Variants in CDH18 observed in about 807,000 individuals in gnomAD.
The protein encoded by CDH18 is cadherin 18.
CDH18 carries 31 observed loss-of-function variants against 67.9 expected under a neutral mutation model. The observed-to-expected ratio is 0.46, with a 90% CI of 0.34 to 0.62. The LOEUF (loss-of-function observed/expected upper bound fraction) is 0.62, where lower values mean the gene tolerates loss of function less well. Ranked by LOEUF, CDH18 falls within the 20% of genes least tolerant of loss-of-function variation. The pLI, the probability that CDH18 is intolerant of heterozygous loss-of-function variation, is 0.01. For synonymous variants in CDH18, 362 were observed against 347.2 expected, an observed-to-expected ratio of 1.04 and a Z score of -0.48; for missense variants, 890 against 975.5, an observed-to-expected ratio of 0.91 and a Z score of 1.17.
At chr5:19,990,309 G>A (rs979910177), upstream of CDH18, among the ~76,000 whole-genome samples, 1 of 152,180 alleles carries the variant, frequency 6.6e-6, no homozygotes. Flanking sequence ...GAAATAAAAT[G>A]TTTGTTTGCC....
intron 1 of CDH18, among the ~76,000 whole-genome samples, chr5:20,460,066 C>A (rs1196507719): frequency 6.6e-6 from 1 of 152,044 alleles, no homozygotes; most frequent in African/African-American, 2.4e-5. Flanking sequence ...TAGAATATTA[C>A]TATTGAAAGA....
intron 1 of CDH18, among the ~76,000 whole-genome samples, chr5:20,487,584 G>A (rs772198585): frequency 2.7e-5 from 4 of 150,772 alleles, no homozygotes; most frequent in Non-Finnish European, 5.9e-5. Context: ...TTCCACATTT[G>A]GGGGTTTGCT....
chr5:19,719,208 G>A (rs1357004), intron 5 of CDH18, among the ~76,000 whole-genome samples: 147,094 of 152,096 alleles, frequency 0.97, 71,313 homozygotes, highest in Middle Eastern at 1. Context: ...ATATCACAGC[G>A]ATATTCTATT....
Position 19,721,426 on chromosome 5 carries a change from G to T in CDH18, c.564C>A (p.Asp188Glu). 1 of 1,612,386 alleles carries T rather than the reference G, an allele frequency of 6.2e-7. No individual in the cohort carries two copies. The highest frequency in any genetic ancestry group is 8.5e-7 in the Non-Finnish European group (1 of 1,178,688). ...VLQVTATDAD[D>E]PTYGNSARVV... ...CCCGAGCGCTGTTTCCATAGGTAGG[G>T]TCATCTGCATCAGTAGCTGTCACCT... The change falls in exon 5 of 13, where the codon GAC becomes GAA. Residue 188 changes from aspartate (D) to glutamate (E), a missense_variant. This residue lies in a region of CDH18 where 234 missense variants were observed against 307.4 expected (regional missense o/e 0.76). Coordinates refer to ENST00000382275, the MANE Select transcript of CDH18 (RefSeq NM_004934.5).
chr5:19,996,375 A>T (rs1736021499), intron 2 of CDH18, among the ~76,000 whole-genome samples: 1 of 152,062 alleles, frequency 6.6e-6, no homozygotes, highest in Non-Finnish European at 1.5e-5. Context: ...CTGAATATTA[A>T]TGTCGTTCCC....
intron 5 of CDH18, among the ~76,000 whole-genome samples, chr5:19,688,735 A>T (rs777468961): frequency 1.3e-5 from 2 of 152,102 alleles, no homozygotes. Context: ...CAAAATAATG[A>T]TATTAAAGAA....
intron 9 of CDH18, among the ~76,000 whole-genome samples, chr5:19,533,258 A>G (rs1748923075): frequency 6.6e-6 from 1 of 152,212 alleles, no homozygotes; most frequent in South Asian, 2.1e-4. Flanking sequence ...CTTTTTCTTG[A>G]AAGAGTTGTT....
intron 1 of CDH18, among the ~76,000 whole-genome samples, chr5:20,377,458 T>C (rs1743555271): frequency 6.6e-6 from 1 of 152,214 alleles, no homozygotes; most frequent in African/African-American, 2.4e-5. Flanking sequence ...CCTTATACAC[T>C]AGTTAATTGT....
intron 1 of CDH18, among the ~76,000 whole-genome samples, chr5:20,368,852 C>A (rs1742735796): frequency 6.6e-6 from 1 of 152,088 alleles, no homozygotes. Context: ...TTGCTCAGCT[C>A]CCCACTCAAG....
chr5:20,366,027 TA>T lies in CDH18; in HGVS notation c.-579-110523del, dbSNP rs1156799040. Reference sequence around the variant, plus strand: ...TTTTTTATAATTTATTATATGCCCATAAAATACTTCCCTGGAGTACCCAACT... The same window carrying T: ...TTTTTTATAATTTATTATATGCCCATAAATACTTCCCTGGAGTACCCAACT... On this transcript the variant is annotated intron_variant, in intron 1 of 14. Transcript: ENST00000507958. Among the ~76,000 whole-genome samples the T allele has an allele frequency of 2.6e-5, 4 of 152,266 alleles. No homozygotes were observed. The East Asian group carries it at 7.7e-4, about 29-fold the overall frequency.
intron 7 of CDH18, among the ~76,000 whole-genome samples, chr5:19,575,592 G>C (rs1283751440): frequency 6.6e-6 from 1 of 152,170 alleles, no homozygotes; most frequent in Non-Finnish European, 1.5e-5. Context: ...ATGGTGCTTA[G>C]AATTGTCCTG....
intron 1 of CDH18, among the ~76,000 whole-genome samples, chr5:20,480,418 TG>T (rs1752712664): frequency 6.6e-6 from 1 of 152,084 alleles, no homozygotes; most frequent in Admixed American, 6.5e-5. Context: ...AGAGTCTTTT[TG>T]TTTTTGTTTT....
chr5:20,338,917 A>G (rs889523374), intron 1 of CDH18, among the ~76,000 whole-genome samples: 3 of 152,180 alleles, frequency 2.0e-5, no homozygotes, highest in Admixed American at 2.0e-4. Flanking sequence ...GCCCAGGTAC[A>G]CTTAAAACAA....
At chr5:20,431,487 CA>C (rs560015111) in intron 1 of CDH18, among the ~76,000 whole-genome samples, 2,942 of 66,242 alleles carry the variant, frequency 0.044, 57 homozygotes, top group African/African-American at 0.12. Flanking sequence ...GAGTGAAACT[CA>C]AAAAAAAAAA....
In CDH18 at chr5:20,322,712, T is replaced by A. The variant is rs1738156589; in HGVS notation, c.-579-67207A>T. 2.0e-5 allele frequency among the ~76,000 whole-genome samples: 3 copies of A among 152,222 alleles called. No individual in the cohort carries two copies. In the South Asian group the frequency reaches 6.2e-4, roughly 32 times the overall value. On this transcript the variant is annotated intron_variant, in intron 1 of 14. Coordinates refer to the CDH18 transcript ENST00000507958. ...TAAACTGAAGCTGCAAGAAAAAAAATATAATTCTTCAAAGAAGACAATGAA... is the reference window on the plus strand; with the variant it reads ...TAAACTGAAGCTGCAAGAAAAAAAAAATAATTCTTCAAAGAAGACAATGAA...
At chr5:19,793,606 G>T (rs1421996405) in intron 3 of CDH18, among the ~76,000 whole-genome samples, 1 of 152,062 alleles carries the variant, frequency 6.6e-6, no homozygotes, top group Non-Finnish European at 1.5e-5. Flanking sequence ...ATTAATTGTG[G>T]ATTTTGTTGC....
chr5:20,255,746 T>C (rs1031710890), intron 1 of CDH18, among the ~76,000 whole-genome samples: 1 of 152,000 alleles, frequency 6.6e-6, no homozygotes, highest in Non-Finnish European at 1.5e-5. Flanking sequence ...GCCATGTAGA[T>C]ATGGGCAATT....
At chr5:20,086,946 T>C (rs147194339) in intron 2 of CDH18, among the ~76,000 whole-genome samples, 159 of 152,306 alleles carry the variant, frequency 1.0e-3, no homozygotes, top group Admixed American at 1.8e-3. Context: ...CATTCCTTAA[T>C]GCTATAGCTG....
chr5:19,525,034 C>A (rs528596240), intron 9 of CDH18, among the ~76,000 whole-genome samples: 2 of 152,146 alleles, frequency 1.3e-5, no homozygotes, highest in African/African-American at 4.8e-5. Flanking sequence ...CGTGAGCCAC[C>A]GCGCCTGGCC....
Sources: allele counts gnomAD v4.1 joint callset (sites outside exome capture counted in the v4.1 genomes callset), GRCh38; gene constraint gnomAD v4.1.1; regional missense constraint gnomAD v4.1.1; transcripts MANE v1.5; gene names NCBI Gene and HGNC (gene_info 2026-07-23, HGNC 2026-07-21).